GPC6: variants seen among roughly 807,000 people sequenced by gnomAD.
The protein encoded by GPC6 is glypican-6.
A neutral mutation model predicts 55.2 loss-of-function variants in GPC6; 14 were observed. The ratio of observed to expected loss-of-function variants is 0.25; its 90% confidence interval spans 0.17 to 0.40. The LOEUF is 0.40. Among genes scored for constraint, GPC6 ranks in the 10% least tolerant of loss-of-function variants. The probability of loss-of-function intolerance (pLI) is 1.00; values close to 1 mark genes in which losing one functional copy is unlikely to be tolerated. For missense variants in GPC6, 641 were observed against 708.5 expected, an observed-to-expected ratio of 0.90 and a Z score of 1.08; for synonymous variants, 278 against 259.6, an observed-to-expected ratio of 1.07 and a Z score of -0.68.
At chr13:94,206,951 C>A (rs563828638) in intron 4 of GPC6, among the ~76,000 whole-genome samples, 1 of 152,116 alleles carries the variant, frequency 6.6e-6, no homozygotes, top group African/African-American at 2.4e-5. Context: ...CCAGTCACCC[C>A]CTTTATCTAA....
intron 4 of GPC6, among the ~76,000 whole-genome samples, chr13:94,039,262 T>G (rs1240139582): frequency 6.6e-6 from 1 of 151,850 alleles, no homozygotes; most frequent in Non-Finnish European, 1.5e-5. Context: ...AGGCACAGGG[T>G]TTTTTTATCC....
At chr13:94,004,303 G>T (rs577938120) in intron 3 of GPC6, among the ~76,000 whole-genome samples, 28 of 151,882 alleles carry the variant, frequency 1.8e-4, no homozygotes, top group African/African-American at 6.5e-4. Flanking sequence ...GGAAATTAAA[G>T]AGATAATCAC....
intron 5 of GPC6, among the ~76,000 whole-genome samples, chr13:94,302,374 G>A (rs1875697064): frequency 6.6e-6 from 1 of 152,026 alleles, no homozygotes; most frequent in South Asian, 2.1e-4. Context: ...TTTTTAATAA[G>A]GGCACTAATC....
At chr13:93,497,998 T>C (rs1880372819) in intron 1 of GPC6, among the ~76,000 whole-genome samples, 1 of 152,206 alleles carries the variant, frequency 6.6e-6, no homozygotes, top group African/African-American at 2.4e-5. Context: ...TAGTACTGGT[T>C]AGAAAGAAGG....
intron 2 of GPC6, among the ~76,000 whole-genome samples, chr13:93,775,161 C>T (rs1021032002): frequency 1.3e-5 from 2 of 152,138 alleles, no homozygotes; most frequent in African/African-American, 4.8e-5. Flanking sequence ...CTCATTATCT[C>T]ATTTTGTTTT....
rs144166561 is a variant in GPC6, at chr13:94,094,219, A to G, written c.877+66325A>G. 1.9e-3 allele frequency among the ~76,000 whole-genome samples: 289 copies of G among 152,226 alleles called. 3 individuals are homozygous for G. The highest frequency in any genetic ancestry group is 4.6e-3 in the Admixed American group (71 of 15,292). On this transcript the variant is annotated intron_variant, in intron 4 of 8. Transcript: ENST00000377047. ...CTTTCTTCCTACTTAGAATCTTCAT[A>G]GAGTAATTGTACAGCTTTAACAGGC... is the stretch of plus-strand genomic sequence containing the variant.
At chr13:94,128,398 G>A (rs964853795) in intron 4 of GPC6, among the ~76,000 whole-genome samples, 8 of 152,170 alleles carry the variant, frequency 5.3e-5, no homozygotes, top group Non-Finnish European at 1.5e-5. Flanking sequence ...GTTGTATTGT[G>A]ATAATAGACA....
chr13:93,699,744 T>C (rs1000852129), intron 2 of GPC6, among the ~76,000 whole-genome samples: 7 of 152,160 alleles, frequency 4.6e-5, no homozygotes, highest in African/African-American at 1.7e-4. Flanking sequence ...ATTCTATTAC[T>C]ATGGATATAT....
At chr13:93,707,192 C>A (rs1882883105) in intron 2 of GPC6, among the ~76,000 whole-genome samples, 1 of 151,536 alleles carries the variant, frequency 6.6e-6, no homozygotes, top group Non-Finnish European at 1.5e-5. Flanking sequence ...ATAATTAGAA[C>A]ACATGGACAC....
At chr13:94,139,082 G>GA (rs1270644255) in intron 4 of GPC6, among the ~76,000 whole-genome samples, 42 of 148,932 alleles carry the variant, frequency 2.8e-4, no homozygotes, top group Admixed American at 1.2e-3. Flanking sequence ...GTTAGCTGGG[G>GA]GAAAAAAAAA....
upstream of GPC6, among the ~76,000 whole-genome samples, chr13:93,223,614 T>C (rs1875677681): frequency 6.6e-6 from 1 of 151,992 alleles, no homozygotes; most frequent in South Asian, 2.1e-4. Context: ...AGCGAATTTT[T>C]TGTATTTTTA....
At chr13:94,369,412 T>A (rs1879431615) in intron 6 of GPC6, among the ~76,000 whole-genome samples, 1 of 152,198 alleles carries the variant, frequency 6.6e-6, no homozygotes, top group South Asian at 2.1e-4. Context: ...AGCCATGGGC[T>A]GAAGGAGAAA....
intron 1 of GPC6, among the ~76,000 whole-genome samples, chr13:93,231,333 ATATATATATATACATATATATATATAC>A (rs1876005783): frequency 1.8e-5 from 1 of 54,158 alleles, no homozygotes; most frequent in African/African-American, 8.8e-5. Flanking sequence ...ATATATACGT[ATATATATATATACATATATATATATAC>A]GTATATATAT....
At chr13:93,578,589 A>G (rs1876781776) in intron 2 of GPC6, among the ~76,000 whole-genome samples, 1 of 147,832 alleles carries the variant, frequency 6.8e-6, no homozygotes, top group Admixed American at 6.7e-5. Context: ...TTCTTAGTCT[A>G]GCTGTAAGTT....
chr13:93,371,919 T>C (rs1168142828), intron 1 of GPC6, among the ~76,000 whole-genome samples: 3 of 152,188 alleles, frequency 2.0e-5, no homozygotes, highest in South Asian at 2.1e-4. Context: ...CCATTGGAGA[T>C]CTCTGTTCCC....
At chr13:94,316,002 A>G (rs1279150799) in intron 6 of GPC6, among the ~76,000 whole-genome samples, 1 of 152,180 alleles carries the variant, frequency 6.6e-6, no homozygotes, top group Non-Finnish European at 1.5e-5. Flanking sequence ...GTGTGTCCCA[A>G]GACAATTCCT....
chr13:93,287,810 A>G (rs1878185779), intron 1 of GPC6, among the ~76,000 whole-genome samples: 1 of 152,324 alleles, frequency 6.6e-6, no homozygotes, highest in Non-Finnish European at 1.5e-5. Context: ...AATGCGTTAG[A>G]AGTTTATTGT....
intron 1 of GPC6, among the ~76,000 whole-genome samples, chr13:93,474,740 G>A (rs889648990): frequency 4.6e-5 from 7 of 152,148 alleles, no homozygotes; most frequent in Admixed American, 1.3e-4. Context: ...CAGTCTGTCC[G>A]GGTTTTGTGG....
chr13:93,868,659 T>C (rs1251386835), intron 3 of GPC6, among the ~76,000 whole-genome samples: 1 of 151,858 alleles, frequency 6.6e-6, no homozygotes, highest in Non-Finnish European at 1.5e-5. Context: ...AAATATCTGG[T>C]ACTACATAGA....
Sources: allele counts gnomAD v4.1 joint callset (sites outside exome capture counted in the v4.1 genomes callset), GRCh38; gene constraint gnomAD v4.1.1; transcripts MANE v1.5; gene names NCBI Gene and HGNC (gene_info 2026-07-23, HGNC 2026-07-21).